Variants in LAMB4 observed in about 807,000 individuals in gnomAD.
LAMB4 encodes laminin subunit beta-4.
In LAMB4, 196 loss-of-function variants were observed where a neutral mutation model predicts 199.2. That is an observed-to-expected ratio of 0.98 (90% confidence interval 0.88 to 1.11). The LOEUF (loss-of-function observed/expected upper bound fraction) is 1.11, where lower values mean the gene tolerates loss of function less well. LAMB4 is among the 50% of genes least tolerant of loss of function. LAMB4 has a pLI of 0.00. For synonymous variants in LAMB4, 744 were observed against 770.6 expected (o/e 0.97, Z 0.57); for missense variants, 2,080 against 2,171.2 (o/e 0.96, Z 0.83).
intron 14 of LAMB4, among the ~76,000 whole-genome samples, chr7:108,088,637 G>A (rs2037280672): frequency 6.6e-6 from 1 of 152,152 alleles, no homozygotes. Context: ...AGTTGGGTTT[G>A]CTTTTATTCT....
At chr7:108,062,290 A>G (rs1278380096) in intron 23 of LAMB4, 1 of 152,254 alleles carries the variant, frequency 6.6e-6, no homozygotes, top group African/African-American at 2.4e-5. Flanking sequence ...TTCTTAAGAT[A>G]TGATTGATGC....
intron 1 of LAMB4, among the ~76,000 whole-genome samples, chr7:108,125,448 A>C (rs1002139333): frequency 2.6e-5 from 4 of 152,244 alleles, no homozygotes; most frequent in African/African-American, 9.6e-5. Context: ...GCAAAGTTTG[A>C]AAGTATGATT....
chr7:108,076,801 G>T, intron 17 of LAMB4, 143 bp downstream of exon 17: 1 of 825,636 alleles, frequency 1.2e-6, no homozygotes. Context: ...TGTTAAATAA[G>T]ATTTGCAGAT....
intron 14 of LAMB4, among the ~76,000 whole-genome samples, chr7:108,084,618 G>C (rs1011562901): frequency 3.3e-5 from 5 of 152,018 alleles, no homozygotes; most frequent in African/African-American, 9.7e-5. Context: ...TACTATGCCT[G>C]GGATTTCAGT....
chr7:108,096,550 T>A (rs779317733), intron 11 of LAMB4, among the ~76,000 whole-genome samples: 1 of 152,114 alleles, frequency 6.6e-6, no homozygotes, highest in Non-Finnish European at 1.5e-5. Flanking sequence ...TGAAAATGAT[T>A]GTGGTGATGA....
At chr7:108,073,837 T>G (rs539435331) in intron 17 of LAMB4, among the ~76,000 whole-genome samples, 36 of 152,308 alleles carry the variant, frequency 2.4e-4, no homozygotes, top group Non-Finnish European at 4.6e-4. Context: ...GGCAGGCTGG[T>G]GTACTCATCC....
At chr7:108,110,974 A>C (rs77614393) in intron 4 of LAMB4, among the ~76,000 whole-genome samples, 1 of 148,190 alleles carries the variant, frequency 6.7e-6, no homozygotes, top group Non-Finnish European at 1.5e-5. Context: ...TAAAATCTCT[A>C]AAGGAAATAC....
At chr7:108,123,283 C>T (rs749129308) in intron 1 of LAMB4, 86 bp from the exon 2 acceptor site, 9 of 762,158 alleles carry the variant, frequency 1.2e-5, no homozygotes, top group Middle Eastern at 2.5e-4. Flanking sequence ...TTAGGGTTAT[C>T]GAATGGTTCT....
intron 30 of LAMB4, among the ~76,000 whole-genome samples, chr7:108,035,137 C>T (rs1034115798): frequency 6.6e-6 from 1 of 152,142 alleles, no homozygotes. Flanking sequence ...ATCATCCCAC[C>T]GCCACCACCA....
At chr7:108,026,896 T>C (rs531629951) in intron 33 of LAMB4, 8 of 517,906 alleles carry the variant, frequency 1.5e-5, no homozygotes, top group African/African-American at 1.5e-4. Flanking sequence ...TTTTCTATCT[T>C]GCTGAGTTCT....
intron 24 of LAMB4, 45 bp downstream of exon 24, chr7:108,057,787 C>T (rs779528074): frequency 2.1e-5 from 27 of 1,259,578 alleles, no homozygotes; most frequent in Admixed American, 1.2e-4. Context: ...CATGGTAGGG[C>T]CAGGCTGACT....
intron 14 of LAMB4, 61 bp from the exon 15 acceptor site, chr7:108,079,847 A>T: frequency 7.6e-7 from 1 of 1,310,424 alleles, no homozygotes; most frequent in Non-Finnish European, 1.0e-6. Flanking sequence ...AGAGTTCAAG[A>T]AAACCAGTCC....
At chr7:108,127,853 T>C (rs530058221) in intron 1 of LAMB4, among the ~76,000 whole-genome samples, 12 of 152,134 alleles carry the variant, frequency 7.9e-5, no homozygotes, top group Non-Finnish European at 1.5e-4. Context: ...TTGGCAATGT[T>C]TGCAGACATT....
rs769437930 is a variant in LAMB4, at chr7:108,052,129, A to C, written c.3884T>G (p.Leu1295Trp). ...GCTTGCATTAAGGACACTGGATTGC[A>C]AATCAATTTCTTCCTGAAGGTCTTC... is the stretch of plus-strand genomic sequence containing the variant. Reference protein sequence around the residue: ...LLEDLQEEIDLQSSVLNASIA... With the variant: ...LLEDLQEEIDWQSSVLNASIA... Residue 1295 changes from leucine (L) to tryptophan (W), a missense_variant, in exon 26 of 34, where the codon TTG becomes TGG. Physicochemically the swap from Leu to Trp is moderately conservative, Grantham distance 61. Coordinates refer to ENST00000388781, the MANE Select transcript of LAMB4 (RefSeq NM_007356.3). The C allele has an allele frequency of 6.2e-6, 10 of 1,611,860 alleles. No homozygotes were observed. The highest frequency in any genetic ancestry group is 8.5e-6 in the Non-Finnish European group (10 of 1,179,074).
chr7:108,045,908 G>C (rs577646443), intron 28 of LAMB4, among the ~76,000 whole-genome samples: 23 of 152,126 alleles, frequency 1.5e-4, no homozygotes, highest in African/African-American at 5.3e-4. Context: ...TCAGATGCTT[G>C]CTCAAGGATA....
rs2038125063 is a variant in LAMB4, at chr7:108,109,029, G to C, written c.402+142C>G. 11 of 641,558 alleles carry C rather than the reference G, an allele frequency of 1.7e-5. No individual in the cohort carries two copies. In the South Asian group the frequency reaches 1.8e-4, roughly 11 times the overall value. 39.7% of individuals were successfully genotyped at this position (641,558 alleles called of 1,614,324 possible). A position where few individuals can be genotyped will look rare whatever the true frequency, so the allele number is the denominator to read the frequency against. On this transcript the variant is annotated intron_variant, in intron 5 of 33. Coordinates refer to ENST00000388781, the MANE Select transcript of LAMB4 (RefSeq NM_007356.3). Reference sequence around the variant, plus strand: ...GTGTTTTTTTTTTCTTCATGTAAGAGTCAAAGCTCAGGTGGCAAAGGTCAA... The same window carrying C: ...GTGTTTTTTTTTTCTTCATGTAAGACTCAAAGCTCAGGTGGCAAAGGTCAA...
intron 31 of LAMB4, among the ~76,000 whole-genome samples, chr7:108,033,069 C>A (rs2035097263): frequency 6.6e-6 from 1 of 152,040 alleles, no homozygotes. Context: ...GATTGGTTCA[C>A]CATATTTTTA....
At chr7:108,107,246 AGGGATGTTCCCGGC>A (rs2038053695) in intron 6 of LAMB4, among the ~76,000 whole-genome samples, 1 of 152,196 alleles carries the variant, frequency 6.6e-6, no homozygotes, top group African/African-American at 2.4e-5. Context: ...CTTTGCTCAG[AGGGATGTTCCCGGC>A]AGATTCCCCT....
rs1243754965 is a variant in LAMB4, at chr7:108,111,280, G to A, written c.328+531C>T. ...TCAGCGCCAATGTAGGCTCAATATC[G>A]CAATTGTTCATAAAGAGAGAAAGGC... On this transcript the variant is annotated intron_variant, in intron 4 of 33. Coordinates refer to ENST00000388781, the MANE Select transcript of LAMB4 (RefSeq NM_007356.3). Among the ~76,000 whole-genome samples the A allele has an allele frequency of 5.3e-5, 8 of 152,146 alleles. No individual in the cohort carries two copies. In the South Asian group the frequency reaches 6.2e-4, roughly 12 times the overall value.
Sources: allele counts gnomAD v4.1 joint callset (sites outside exome capture counted in the v4.1 genomes callset), GRCh38; gene constraint gnomAD v4.1.1; transcripts MANE v1.5; gene names NCBI Gene and HGNC (gene_info 2026-07-23, HGNC 2026-07-21).